Variants in DPP6 observed in about 807,000 individuals in gnomAD.
The protein encoded by DPP6 is dipeptidyl peptidase like 6.
In DPP6, 69 loss-of-function variants were observed where a neutral mutation model predicts 122.6. The observed-to-expected ratio is 0.56, with a 90% CI of 0.46 to 0.69. The LOEUF (loss-of-function observed/expected upper bound fraction) is 0.69, where lower values mean the gene tolerates loss of function less well. Ranked by LOEUF, DPP6 falls within the 30% of genes least tolerant of loss-of-function variation. DPP6 has a pLI of 0.00. For missense variants in DPP6, 928 were observed against 1,116.9 expected (o/e 0.83, Z 2.41); for synonymous variants, 418 against 433.1 (o/e 0.97, Z 0.43).
At chr7:154,494,783 A>G (rs559834470) in intron 3 of DPP6, among the ~76,000 whole-genome samples, 2 of 152,322 alleles carry the variant, frequency 1.3e-5, no homozygotes, top group South Asian at 2.1e-4. Context: ...GCCTCCTCCA[A>G]GTCAACCAAA....
intron 5 of DPP6, among the ~76,000 whole-genome samples, chr7:154,610,595 G>A (rs796670899): frequency 3.9e-5 from 6 of 152,166 alleles, no homozygotes; most frequent in African/African-American, 1.4e-4. Context: ...CCAACATTCT[G>A]TCTTTGATAG....
chr7:154,668,551 G>A lies in DPP6; in HGVS notation c.681-809G>A, dbSNP rs376065575. On this transcript the variant is annotated intron_variant, in intron 6 of 25. Transcript: ENST00000377770. ...AGAAATTATAGCTAAGTGATAGGGCGCTTACCTGACAGAGCCCAGCAGACT... is the reference window on the plus strand; with the variant it reads ...AGAAATTATAGCTAAGTGATAGGGCACTTACCTGACAGAGCCCAGCAGACT... Among the ~76,000 whole-genome samples the A allele has an allele frequency of 3.7e-3, 570 of 152,040 alleles. 3 individuals carry two copies. Among genetic ancestry groups the A allele is most frequent in the Non-Finnish European group, 6.8e-3 (461 of 67,988 alleles).
At chr7:153,882,181 C>T (rs963087679), upstream of DPP6, among the ~76,000 whole-genome samples, 5 of 152,116 alleles carry the variant, frequency 3.3e-5, no homozygotes, top group South Asian at 2.1e-4. Context: ...AAATAAATGC[C>T]GACCCATCTC....
chr7:154,026,233 A>G (rs1057083487), intron 1 of DPP6: 1 of 152,132 alleles, frequency 6.6e-6, no homozygotes, highest in African/African-American at 2.4e-5. Context: ...TTTCTGGGAA[A>G]ATTAATAGAG....
At chr7:153,945,827 C>T (rs540509818) in intron 1 of DPP6, among the ~76,000 whole-genome samples, 2 of 152,288 alleles carry the variant, frequency 1.3e-5, no homozygotes, top group South Asian at 2.1e-4. Flanking sequence ...TCCTTGTCCT[C>T]GTCTAACCTG....
At chr7:154,248,723 G>A (rs773696795) in intron 1 of DPP6, among the ~76,000 whole-genome samples, 1 of 152,094 alleles carries the variant, frequency 6.6e-6, no homozygotes, top group Non-Finnish European at 1.5e-5. Context: ...AAAGCTAGCC[G>A]GATGTGGTGG....
chr7:154,803,835 GC>G, intron 13 of DPP6, 28 bp from the exon 14 acceptor site: 1 of 1,607,150 alleles, frequency 6.2e-7, no homozygotes, highest in Non-Finnish European at 8.5e-7. Flanking sequence ...ACCGGTGTCT[GC>G]TCCTGATGCC....
intron 10 of DPP6, among the ~76,000 whole-genome samples, chr7:154,777,504 C>T (rs960225790): frequency 6.6e-6 from 1 of 152,110 alleles, no homozygotes; most frequent in African/African-American, 2.4e-5. Flanking sequence ...AAAATAAATG[C>T]AAATCGCTGT....
At chr7:154,554,172 A>G (rs1329751614) in intron 4 of DPP6, among the ~76,000 whole-genome samples, 3 of 152,138 alleles carry the variant, frequency 2.0e-5, no homozygotes, top group Non-Finnish European at 2.9e-5. Context: ...TGTGGCCACT[A>G]TCATTAACAT....
intron 21 of DPP6, 37 bp downstream of exon 21, chr7:154,880,979 T>A (rs1201546864): frequency 6.2e-7 from 1 of 1,612,114 alleles, no homozygotes; most frequent in Non-Finnish European, 8.5e-7. Flanking sequence ...AACCCCTCAG[T>A]TCCAGTGTGG....
intron 1 of DPP6, among the ~76,000 whole-genome samples, chr7:154,116,175 G>A (rs1806971957): frequency 6.6e-6 from 1 of 151,844 alleles, no homozygotes; most frequent in East Asian, 1.9e-4. Context: ...TTAAGTCTAG[G>A]ACTATGTTTT....
At chr7:153,843,039 C>T in the DPP6 span, among the ~76,000 whole-genome samples, 62 of 152,198 alleles carry the variant, frequency 4.1e-4, no homozygotes, top group African/African-American at 1.4e-3. Context: ...CACACACATG[C>T]ATACACACAT....
chr7:154,785,754 T>G (rs1398231832), intron 10 of DPP6, among the ~76,000 whole-genome samples: 1 of 152,246 alleles, frequency 6.6e-6, no homozygotes, highest in Non-Finnish European at 1.5e-5. Flanking sequence ...TTAAAATCAA[T>G]AAATAGCATT....
chr7:154,540,310 G>A (rs190875226), intron 3 of DPP6, among the ~76,000 whole-genome samples: 2 of 152,220 alleles, frequency 1.3e-5, no homozygotes, highest in East Asian at 3.9e-4. Flanking sequence ...CGGTGTGTGC[G>A]CCTGTGCTTT....
intron 4 of DPP6, among the ~76,000 whole-genome samples, chr7:154,563,666 A>G (rs1036843696): frequency 2.6e-5 from 4 of 152,292 alleles, no homozygotes; most frequent in African/African-American, 9.6e-5. Flanking sequence ...TGACCTAACA[A>G]CCAAGCTAAT....
intron 1 of DPP6, among the ~76,000 whole-genome samples, chr7:154,332,733 C>G (rs955614128): frequency 6.6e-6 from 1 of 152,130 alleles, no homozygotes; most frequent in Non-Finnish European, 1.5e-5. Flanking sequence ...TTCTGTCTCC[C>G]CCCTCCAACC....
chr7:154,307,099 G>C (rs1325109322), intron 1 of DPP6, among the ~76,000 whole-genome samples: 1 of 152,084 alleles, frequency 6.6e-6, no homozygotes, highest in African/African-American at 2.4e-5. Flanking sequence ...GTCTACACCC[G>C]ATACACCCAA....
chr7:153,756,671 AC>A, the DPP6 span, among the ~76,000 whole-genome samples: 2 of 152,118 alleles, frequency 1.3e-5, no homozygotes, highest in Non-Finnish European at 2.9e-5. Context: ...AAGAAAGAGT[AC>A]CCGTGTAAAT....
chr7:154,657,924 C>T (rs1280170984), intron 6 of DPP6, among the ~76,000 whole-genome samples: 2 of 152,186 alleles, frequency 1.3e-5, no homozygotes, highest in East Asian at 1.9e-4. Context: ...CAGTGAAAGA[C>T]GCCAACCTGA....
Sources: allele counts gnomAD v4.1 joint callset (sites outside exome capture counted in the v4.1 genomes callset), GRCh38; gene constraint gnomAD v4.1.1; transcripts MANE v1.5; gene names NCBI Gene and HGNC (gene_info 2026-07-23, HGNC 2026-07-21).